VAV3: variants seen among roughly 807,000 people sequenced by gnomAD.
VAV3 encodes the protein guanine nucleotide exchange factor VAV3.
Under a neutral mutation model 131.2 loss-of-function variants are expected in VAV3, and 94 were observed. That is an observed-to-expected ratio of 0.72 (90% CI 0.61 to 0.85). The LOEUF (loss-of-function observed/expected upper bound fraction) is 0.85, where lower values mean the gene tolerates loss of function less well. Ranked by LOEUF, VAV3 falls within the 40% of genes least tolerant of loss-of-function variation. VAV3 has a pLI of 0.00. For synonymous variants in VAV3, 349 were observed against 342.0 expected, an observed-to-expected ratio of 1.02 and a Z score of -0.22; for missense variants, 939 against 1,002.7, an observed-to-expected ratio of 0.94 and a Z score of 0.86.
intron 2 of VAV3, among the ~76,000 whole-genome samples, chr1:107,841,535 G>A (rs1342574432): frequency 5.3e-5 from 8 of 152,116 alleles, no homozygotes; most frequent in Admixed American, 2.0e-4. Context: ...GCTTGTGGGT[G>A]CCATAGATCA....
At chr1:107,739,406 T>C (rs1264602536) in intron 15 of VAV3, among the ~76,000 whole-genome samples, 1 of 152,196 alleles carries the variant, frequency 6.6e-6, no homozygotes, top group Non-Finnish European at 1.5e-5. Context: ...TAGTTCCCTA[T>C]CCTGACTTAA....
At chr1:107,808,514 C>G (rs77819196) in intron 2 of VAV3, among the ~76,000 whole-genome samples, 22,960 of 151,954 alleles carry the variant, frequency 0.15, 2,007 homozygotes, top group East Asian at 0.29. Flanking sequence ...TAAAAACTAA[C>G]AAATGATCTA....
intron 1 of VAV3, among the ~76,000 whole-genome samples, chr1:107,899,152 T>C (rs1444296775): frequency 6.6e-6 from 1 of 152,188 alleles, no homozygotes; most frequent in Non-Finnish European, 1.5e-5. Context: ...GGCAGAAAAG[T>C]TTCCTAGATG....
At chr1:107,930,219 G>A (rs770480694) in intron 1 of VAV3, among the ~76,000 whole-genome samples, 4 of 152,158 alleles carry the variant, frequency 2.6e-5, no homozygotes, top group Non-Finnish European at 5.9e-5. Context: ...TGCTTGACAT[G>A]ATGGATACCC....
At chr1:107,590,045 T>C (rs948097331) in intron 25 of VAV3, among the ~76,000 whole-genome samples, 1 of 152,148 alleles carries the variant, frequency 6.6e-6, no homozygotes, top group Non-Finnish European at 1.5e-5. Flanking sequence ...AATAGAATAA[T>C]GGGGACAGTG....
At chr1:107,868,841 C>T (rs1048673996) in intron 2 of VAV3, among the ~76,000 whole-genome samples, 3 of 152,078 alleles carry the variant, frequency 2.0e-5, no homozygotes, top group Non-Finnish European at 4.4e-5. Flanking sequence ...GTTGAAAGAA[C>T]TAGTGAAAAC....
chr1:107,918,196 G>A (rs907691087), intron 1 of VAV3, among the ~76,000 whole-genome samples: 1 of 152,104 alleles, frequency 6.6e-6, no homozygotes, highest in African/African-American at 2.4e-5. Context: ...CACACAGGCA[G>A]GGTTGGGAAA....
intron 1 of VAV3, among the ~76,000 whole-genome samples, chr1:107,875,381 G>A (rs1474992767): frequency 6.6e-6 from 1 of 152,120 alleles, no homozygotes; most frequent in Non-Finnish European, 1.5e-5. Context: ...GGCTGGGTGG[G>A]GGAACTTAAA....
chr1:107,750,268 A>G (rs1663629171), intron 13 of VAV3, among the ~76,000 whole-genome samples: 3 of 152,242 alleles, frequency 2.0e-5, no homozygotes, highest in Non-Finnish European at 4.4e-5. Flanking sequence ...TGAATGGTAT[A>G]TGAGCCAAGT....
intron 19 of VAV3, among the ~76,000 whole-genome samples, chr1:107,646,550 T>C (rs894527466): frequency 1.5e-4 from 23 of 152,226 alleles, no homozygotes; most frequent in African/African-American, 4.8e-4. Context: ...ATTAAAATAC[T>C]AAGCCAAAAT....
At chr1:107,806,248 T>C (rs1359415150) in intron 2 of VAV3, among the ~76,000 whole-genome samples, 1 of 152,178 alleles carries the variant, frequency 6.6e-6, no homozygotes, top group Non-Finnish European at 1.5e-5. Flanking sequence ...TCTCACTTTT[T>C]CCAGTGTTAG....
intron 1 of VAV3, among the ~76,000 whole-genome samples, chr1:107,926,627 A>C (rs1437171485): frequency 6.6e-6 from 1 of 151,938 alleles, no homozygotes; most frequent in African/African-American, 2.4e-5. Flanking sequence ...GAATCTGTGC[A>C]CATGGTAGAG....
intron 20 of VAV3, among the ~76,000 whole-genome samples, chr1:107,620,277 GAATAA>G (rs1181327093): frequency 2.0e-5 from 3 of 152,044 alleles, no homozygotes; most frequent in East Asian, 1.9e-4. Flanking sequence ...TCATTAAAAA[GAATAA>G]AATAAAGCTA....
At chr1:107,630,452 G>T (rs1654381512) in intron 20 of VAV3, among the ~76,000 whole-genome samples, 1 of 152,042 alleles carries the variant, frequency 6.6e-6, no homozygotes, top group African/African-American at 2.4e-5. Context: ...TGCAGTGATT[G>T]TTACTTCCAC....
chr1:107,656,099 G>C (rs987829645), intron 19 of VAV3, among the ~76,000 whole-genome samples: 5 of 152,026 alleles, frequency 3.3e-5, no homozygotes, highest in Admixed American at 1.3e-4. Context: ...TCCACTACTG[G>C]GTATATAGCC....
intron 1 of VAV3, among the ~76,000 whole-genome samples, chr1:107,892,330 C>T (rs139631733): frequency 2.0e-3 from 308 of 152,244 alleles, no homozygotes; most frequent in African/African-American, 7.0e-3. Flanking sequence ...GTGCCCATTA[C>T]GTACTAGGTA....
chr1:107,950,133 A>AC (rs1674465296), intron 1 of VAV3, among the ~76,000 whole-genome samples: 1 of 151,210 alleles, frequency 6.6e-6, no homozygotes, highest in Non-Finnish European at 1.5e-5. Context: ...CACAAAACAA[A>AC]AAAAAAGTAC....
chr1:107,681,593 T>C (rs1170609170), intron 19 of VAV3, among the ~76,000 whole-genome samples: 1 of 152,124 alleles, frequency 6.6e-6, no homozygotes, highest in Non-Finnish European at 1.5e-5. Flanking sequence ...GGTTTTTTAT[T>C]TCCAAAAATA....
intron 24 of VAV3, among the ~76,000 whole-genome samples, chr1:107,598,845 C>T (rs1456416533): frequency 1.4e-5 from 2 of 147,690 alleles, no homozygotes; most frequent in Non-Finnish European, 3.0e-5. Context: ...GTCACTGATA[C>T]AAACGATACC....
Sources: allele counts gnomAD v4.1 joint callset (sites outside exome capture counted in the v4.1 genomes callset), GRCh38; gene constraint gnomAD v4.1.1; transcripts MANE v1.5; gene names NCBI Gene and HGNC (gene_info 2026-07-23, HGNC 2026-07-21).